CAMTA1: variants seen among roughly 807,000 people sequenced by gnomAD.
The protein encoded by CAMTA1 is calmodulin binding transcription activator 1.
CAMTA1 carries 27 observed loss-of-function variants against 170.9 expected under a neutral mutation model. The ratio of observed to expected loss-of-function variants is 0.16; its 90% CI spans 0.12 to 0.22. The LOEUF is 0.22. CAMTA1 is among the 10% of genes least tolerant of loss of function. The pLI is 1.00. For missense variants in CAMTA1, 1,619 were observed against 2,217.2 expected, an observed-to-expected ratio of 0.73 and a Z score of 5.42; for synonymous variants, 833 against 891.5, an observed-to-expected ratio of 0.93 and a Z score of 1.17.
At chr1:6,898,841 G>A (rs771249681) in intron 3 of CAMTA1, among the ~76,000 whole-genome samples, 5 of 152,128 alleles carry the variant, frequency 3.3e-5, no homozygotes, top group African/African-American at 1.2e-4. Context: ...TTGCCTAGCC[G>A]ACCTCCAAAC....
intron 6 of CAMTA1, among the ~76,000 whole-genome samples, chr1:7,498,409 GTGTA>G (rs2093878573): frequency 2.0e-5 from 3 of 150,480 alleles, no homozygotes; most frequent in Admixed American, 6.6e-5. Flanking sequence ...GTGTATGAGT[GTGTA>G]TGAGTGTGTG....
rs547234113 is a variant in CAMTA1, at chr1:7,079,622, C to A, written c.235-11682C>A. ...AAGTAGCTGGAATTACAGGCACACA[C>A]CATCACGCCTGGCTAATTTTTTTTT... is the stretch of plus-strand genomic sequence containing the variant. On this transcript the variant is annotated intron_variant, in intron 3 of 22. Coordinates refer to ENST00000303635, the MANE Select transcript of CAMTA1 (RefSeq NM_015215.4). 1.2e-4 allele frequency among the ~76,000 whole-genome samples: 19 copies of A among 152,128 alleles called. No individual in the cohort carries two copies. In the South Asian group the frequency reaches 3.7e-3, roughly 30 times the overall value.
intron 3 of CAMTA1, among the ~76,000 whole-genome samples, chr1:6,905,474 C>T (rs116164419): frequency 0.014 from 2,200 of 152,122 alleles, 47 homozygotes; most frequent in African/African-American, 0.05. Flanking sequence ...GGATTACAGG[C>T]GCGAGCCACT....
At chr1:7,708,960 G>T (rs555048227) in intron 11 of CAMTA1, among the ~76,000 whole-genome samples, 1 of 151,706 alleles carries the variant, frequency 6.6e-6, no homozygotes, top group African/African-American at 2.4e-5. Flanking sequence ...TTCAGCTTTC[G>T]TGTTTCACCT....
intron 11 of CAMTA1, among the ~76,000 whole-genome samples, chr1:7,702,260 G>A (rs2096449489): frequency 6.6e-6 from 1 of 152,184 alleles, no homozygotes; most frequent in Non-Finnish European, 1.5e-5. Flanking sequence ...CAGGAAGGGT[G>A]AGGGGTCATG....
intron 5 of CAMTA1, among the ~76,000 whole-genome samples, chr1:7,270,291 A>ATATTTT (rs1336977888): frequency 9.9e-5 from 11 of 110,570 alleles, no homozygotes; most frequent in South Asian, 3.2e-4. Context: ...ATATATATAT[A>ATATTTT]TTTTTTTTTT....
At chr1:7,276,303 A>ATATATATATATATATATATATATTT in intron 5 of CAMTA1, among the ~76,000 whole-genome samples, 9 of 24,230 alleles carry the variant, frequency 3.7e-4, no homozygotes, top group Non-Finnish European at 5.4e-4. Context: ...ATATATATAT[A>ATATATATATATATATATATATATTT]TTTTTTTTTT....
rs533607416 is a variant in CAMTA1 at position 7,440,121 on chromosome 1, C to T, written c.439-27709C>T. On this transcript the variant is annotated intron_variant, in intron 5 of 22. Transcript: ENST00000303635. ...CCCATGGCTCAGGTGGCACTGGCCC[C>T]GTGGCATAGGCGAGAGGGCAGGCTA... is the stretch of plus-strand genomic sequence containing the variant. 1.0e-3 allele frequency among the ~76,000 whole-genome samples: 160 copies of T among 152,384 alleles called. 1 individual carries two copies. Among genetic ancestry groups the T allele is most frequent in the African/African-American group, 3.7e-3 (155 of 41,592 alleles).
At chr1:6,928,700 C>G (rs964052479) in intron 3 of CAMTA1, among the ~76,000 whole-genome samples, 5 of 152,188 alleles carry the variant, frequency 3.3e-5, no homozygotes, top group Non-Finnish European at 5.9e-5. Context: ...TTGCCATTCC[C>G]CCTACCTGGG....
chr1:7,672,800 C>G (rs974080939), intron 10 of CAMTA1, among the ~76,000 whole-genome samples: 2 of 152,104 alleles, frequency 1.3e-5, no homozygotes, highest in African/African-American at 4.8e-5. Context: ...TCTGCTTGAA[C>G]CCAGCACCAT....
intron 6 of CAMTA1, among the ~76,000 whole-genome samples, chr1:7,499,938 G>A (rs1382375439): frequency 1.4e-5 from 2 of 140,098 alleles, no homozygotes; most frequent in African/African-American, 2.7e-5. Flanking sequence ...TGTGCAGAGA[G>A]GATGAGTGTG....
At chr1:7,328,585 C>A (rs938669948) in intron 5 of CAMTA1, among the ~76,000 whole-genome samples, 3 of 152,158 alleles carry the variant, frequency 2.0e-5, no homozygotes, top group Non-Finnish European at 4.4e-5. Flanking sequence ...GAAGTCAGAT[C>A]ATTTGTATTG....
chr1:7,032,930 T>C (rs1703005896), intron 3 of CAMTA1, among the ~76,000 whole-genome samples: 1 of 152,192 alleles, frequency 6.6e-6, no homozygotes, highest in Non-Finnish European at 1.5e-5. Flanking sequence ...CAGTTATTCA[T>C]ATCTTTGTTT....
intron 3 of CAMTA1, among the ~76,000 whole-genome samples, chr1:6,991,746 T>C (rs994376388): frequency 1.3e-5 from 2 of 152,244 alleles, no homozygotes; most frequent in African/African-American, 4.8e-5. Context: ...TTGCCCAGGG[T>C]GGAGTGCAGT....
rs1044058177 is a variant in CAMTA1, at chr1:7,580,138, A to G, written c.511-60262A>G. 1.3e-5 allele frequency among the ~76,000 whole-genome samples: 2 copies of G among 152,280 alleles called. No individual in the cohort carries two copies. Among genetic ancestry groups the G allele is most frequent in the Non-Finnish European group, 1.5e-5 (1 of 68,056 alleles). On this transcript the variant is annotated intron_variant, in intron 6 of 22. Transcript: ENST00000303635. The surrounding 1 kb of genome is among the most constrained non-coding windows in gnomAD (Gnocchi z 4.3). ...GAGCATCCCTGCCCACAGCGGGCTC[A>G]CAGTCCGAGAGGACACTGGTATGTG...
intron 3 of CAMTA1, among the ~76,000 whole-genome samples, chr1:6,923,306 C>A (rs1007933847): frequency 1.3e-5 from 2 of 152,186 alleles, no homozygotes; most frequent in African/African-American, 4.8e-5. Flanking sequence ...CAATTCGGGT[C>A]ATCCCTGTGC....
At chr1:7,594,682 C>T (rs919038814) in intron 6 of CAMTA1, among the ~76,000 whole-genome samples, 17 of 152,076 alleles carry the variant, frequency 1.1e-4, no homozygotes, top group African/African-American at 3.9e-4. Flanking sequence ...AGGTCTGGGA[C>T]CTATTTTGAG....
rs148487496 is a variant in CAMTA1 at position 7,745,950 on chromosome 1, C to T, written c.4476C>T (p.Ala1492=). ...TCGAGAAACCTAACCTTCCCTCCGC[C>T]GCGGATTGGTCAGAATTCCTGAGTG... ...IAFEKPNLPS[A]ADWSEFLSAS... is the part of the protein sequence containing the mutation. Residue 1492 remains alanine (A), a synonymous_variant, in exon 18 of 23, where the codon GCC becomes GCT. Transcript: ENST00000303635. 6.2e-6 allele frequency: 10 copies of T among 1,614,202 alleles called. No individual in the cohort carries two copies. Among genetic ancestry groups the T allele is most frequent in the African/African-American group, 1.3e-5 (1 of 75,042 alleles).
At chr1:7,141,433 G>C (rs968299328) in intron 4 of CAMTA1, among the ~76,000 whole-genome samples, 3 of 152,178 alleles carry the variant, frequency 2.0e-5, no homozygotes, top group African/African-American at 4.8e-5. Flanking sequence ...CTGGTGGACA[G>C]CACTCACCAG....
Sources: allele counts gnomAD v4.1 joint callset (sites outside exome capture counted in the v4.1 genomes callset), GRCh38; gene constraint gnomAD v4.1.1; non-coding constraint Gnocchi (gnomAD v3.1); transcripts MANE v1.5; gene names NCBI Gene and HGNC (gene_info 2026-07-23, HGNC 2026-07-21).